Variants in TIMM23B observed in about 807,000 individuals in gnomAD.
The protein encoded by TIMM23B is mitochondrial import inner membrane translocase subunit Tim23B.
A neutral mutation model predicts 27.3 loss-of-function variants in TIMM23B; 27 were observed. That is an observed-to-expected ratio of 0.99 (90% CI 0.73 to 1.36). The LOEUF (loss-of-function observed/expected upper bound fraction) is 1.36. Among genes scored for constraint, TIMM23B ranks in the 40% most tolerant of loss-of-function variants. TIMM23B has a pLI of 0.00. For missense variants in TIMM23B, 205 were observed against 244.2 expected, an observed-to-expected ratio of 0.84 and a Z score of 1.07; for synonymous variants, 73 against 92.4, an observed-to-expected ratio of 0.79 and a Z score of 1.21.
chr10:49,961,182 G>A (rs1839883320), intron 6 of TIMM23B, among the ~76,000 whole-genome samples: 2 of 149,834 alleles, frequency 1.3e-5, no homozygotes, highest in South Asian at 2.1e-4. Flanking sequence ...TCAGGAGTTC[G>A]AGACCAGCCT....
chr10:49,948,005 T>C (rs1422364869), intron 2 of TIMM23B, among the ~76,000 whole-genome samples: 9 of 152,212 alleles, frequency 5.9e-5, no homozygotes, highest in Non-Finnish European at 8.8e-5. Context: ...ATAAGGAATT[T>C]ATATCTAGAA....
At chr10:49,947,157 C>T (rs1470164717) in intron 2 of TIMM23B, among the ~76,000 whole-genome samples, 3 of 152,220 alleles carry the variant, frequency 2.0e-5, no homozygotes, top group African/African-American at 7.2e-5. Flanking sequence ...TAAACCGAAG[C>T]AGTCAAACTC....
chr10:49,954,267 G>C (rs1839638204), intron 4 of TIMM23B: 1 of 426,200 alleles, frequency 2.3e-6, no homozygotes, highest in Non-Finnish European at 4.7e-6. Context: ...GTGTTACACT[G>C]CTGGGAGAAG....
intron 6 of TIMM23B, among the ~76,000 whole-genome samples, chr10:49,961,740 C>T (rs1839922115): frequency 6.6e-6 from 1 of 151,540 alleles, no homozygotes; most frequent in African/African-American, 2.4e-5. Context: ...GTTCAGACTA[C>T]AGGTGCATGC....
chr10:49,945,450 T>C (rs1243457662), intron 2 of TIMM23B, among the ~76,000 whole-genome samples: 1 of 152,168 alleles, frequency 6.6e-6, no homozygotes, highest in African/African-American at 2.4e-5. Context: ...GCGCGATCTC[T>C]GCTCACTGCA....
chr10:49,962,775 A>G (rs1236287396), intron 6 of TIMM23B, among the ~76,000 whole-genome samples: 1 of 152,160 alleles, frequency 6.6e-6, no homozygotes, highest in Non-Finnish European at 1.5e-5. Flanking sequence ...GTTGTAGGAT[A>G]AATTGCTAAA....
At chr10:49,957,845 A>G (rs1416264522) in intron 5 of TIMM23B, among the ~76,000 whole-genome samples, 1 of 152,338 alleles carries the variant, frequency 6.6e-6, no homozygotes, top group Middle Eastern at 3.4e-3. Context: ...GACATGCTCT[A>G]CTACTAATAG....
chr10:49,951,462 G>C (rs1839526926), intron 2 of TIMM23B, among the ~76,000 whole-genome samples: 1 of 151,808 alleles, frequency 6.6e-6, no homozygotes. Context: ...TTTCATAAAG[G>C]TGCATTGACT....
At position 49,956,867 on chromosome 10, in the gene TIMM23B, T is replaced by G. The variant is rs1221396837; in HGVS notation, c.404-1503T>G. ...CTAAATATAATTGCCATACTGACTT[T>G]TGTGTTGAAAAAAAAAAACAGTTTT... On this transcript the variant is annotated intron_variant, in intron 5 of 6. Transcript: ENST00000651259. Among the ~76,000 whole-genome samples, 46 of 147,642 alleles carry G rather than the reference T, an allele frequency of 3.1e-4. 1 individual carries two copies. The highest frequency in any genetic ancestry group is 9.3e-4 in the African/African-American group (38 of 41,014).
Position 49,956,469 on chromosome 10 carries a change from G to A in TIMM23B, c.403+1409G>A, listed in dbSNP as rs1187993107. On this transcript the variant is annotated intron_variant, in intron 5 of 6. Coordinates refer to ENST00000651259, the MANE Select transcript of TIMM23B (RefSeq NM_001290117.2). ...TGTGTGTGTGTGTGTGTGTGTGTGT[G>A]TATGTGTGTCTTCAATCCGAAGTAC... Among the ~76,000 whole-genome samples the A allele has an allele frequency of 1.1e-4, 10 of 88,146 alleles. 1 individual carries two copies. The South Asian group carries it at 1.4e-3, about 12-fold the overall frequency. 57.8% of individuals were successfully genotyped at this position (88,146 alleles called of 152,430 possible).
intron 6 of TIMM23B, among the ~76,000 whole-genome samples, chr10:49,966,149 C>G (rs12359836): frequency 0.43 from 63,515 of 147,738 alleles, 15,956 homozygotes; most frequent in East Asian, 0.59. Context: ...TGGTGGTGCA[C>G]TCCAGCTTGC....
In TIMM23B at chr10:49,958,473, A is replaced by G. The variant is rs1839794679; in HGVS notation, c.507A>G (p.Lys169=). ...AAGTMTGMLY[K]CTVSEMALDS... is the part of the protein sequence containing the mutation. ...GAACCATGACAGGCATGTTGTATAA[A>G]TGTACAGGTGAGTACTGTTGAATGG... is the stretch of plus-strand genomic sequence containing the variant. Residue 169 remains lysine, a synonymous_variant, in exon 6 of 7, where the codon AAA becomes AAG. Transcript: ENST00000651259. The G allele has an allele frequency of 1.2e-6, 2 of 1,612,400 alleles. No homozygotes were observed. The highest frequency in any genetic ancestry group is 2.7e-5 in the African/African-American group (2 of 74,878).
intron 4 of TIMM23B, among the ~76,000 whole-genome samples, chr10:49,954,582 T>C (rs1186342148): frequency 2.0e-5 from 3 of 152,114 alleles, no homozygotes; most frequent in Non-Finnish European, 4.4e-5. Flanking sequence ...AAGAACCTTT[T>C]AGAAGCTAGC....
At chr10:49,948,012 A>G (rs1839408627) in intron 2 of TIMM23B, among the ~76,000 whole-genome samples, 1 of 152,260 alleles carries the variant, frequency 6.6e-6, no homozygotes. Flanking sequence ...ATTTATATCT[A>G]GAATATTTAA....
chr10:49,943,737 GTT>G (rs35547755), intron 1 of TIMM23B, among the ~76,000 whole-genome samples: 20,215 of 113,088 alleles, frequency 0.18, 1,184 homozygotes, highest in Non-Finnish European at 0.25. Context: ...GTTTTTGTGG[GTT>G]TTTTTTTTTT....
chr10:49,946,157 T>C (rs1240709158), intron 2 of TIMM23B, among the ~76,000 whole-genome samples: 2 of 149,042 alleles, frequency 1.3e-5, no homozygotes, highest in African/African-American at 2.5e-5. Flanking sequence ...CCCACTACAC[T>C]CCAGCCTGGG....
intron 6 of TIMM23B, among the ~76,000 whole-genome samples, chr10:49,972,195 GA>G (rs1840480813): frequency 6.6e-6 from 1 of 152,216 alleles, no homozygotes; most frequent in African/African-American, 2.4e-5. Flanking sequence ...ATCAGCTGTA[GA>G]CACTGACAGG....
At chr10:49,955,835 G>A (rs1195048098) in intron 5 of TIMM23B, among the ~76,000 whole-genome samples, 1 of 152,122 alleles carries the variant, frequency 6.6e-6, no homozygotes, top group Non-Finnish European at 1.5e-5. Context: ...TCTTCACACT[G>A]TAAAGCCAGT....
At chr10:49,946,695 C>G (rs1201200785) in intron 2 of TIMM23B, among the ~76,000 whole-genome samples, 2 of 149,190 alleles carry the variant, frequency 1.3e-5, no homozygotes, top group African/African-American at 2.5e-5. Flanking sequence ...AAGACACATG[C>G]TATGATCCTG....
Sources: gnomAD v4.1 joint callset for allele counts (sites outside exome capture counted in the v4.1 genomes callset) on GRCh38, gnomAD v4.1.1 for gene constraint, MANE v1.5 for transcripts, NCBI Gene and HGNC (gene_info 2026-07-23, HGNC 2026-07-21) for gene names.